Variants in FSIP1 observed in about 807,000 individuals in gnomAD.
The protein encoded by FSIP1 is fibrous sheath interacting protein 1, also known as fibrous sheath-interacting protein 1.
In FSIP1, 65 loss-of-function variants were observed where a neutral mutation model predicts 60.9. The observed-to-expected ratio is 1.07, with a 90% CI of 0.87 to 1.31. The LOEUF (loss-of-function observed/expected upper bound fraction) is 1.31. Among genes scored for constraint, FSIP1 ranks in the 40% most tolerant of loss-of-function variants. FSIP1 has a pLI of 0.00. For synonymous variants in FSIP1, 209 were observed against 221.2 expected (o/e 0.94, Z 0.49); for missense variants, 675 against 665.5 (o/e 1.01, Z -0.16).
At chr15:39,695,094 C>T (rs1390261086) in intron 10 of FSIP1, among the ~76,000 whole-genome samples, 1 of 152,172 alleles carries the variant, frequency 6.6e-6, no homozygotes, top group Non-Finnish European at 1.5e-5. Context: ...ACTTCCCTAA[C>T]ATTTGCATAT....
At position 39,600,634 on chromosome 15, in the gene FSIP1, C is replaced by A; in HGVS notation, c.*246G>T. ...TTGGTTTTTATAATGAATCCTAATACTGTAAGATTAGCAATAAATTTATAA... is the reference window on the plus strand; with the variant it reads ...TTGGTTTTTATAATGAATCCTAATAATGTAAGATTAGCAATAAATTTATAA... On this transcript the variant is annotated 3_prime_UTR_variant, in exon 12 of 12. Coordinates refer to ENST00000350221, the MANE Select transcript of FSIP1 (RefSeq NM_152597.5). 2.2e-6 allele frequency: 1 copy of A among 446,450 alleles called. No individual in the cohort carries two copies. 27.7% of individuals were successfully genotyped at this position (446,450 alleles called of 1,614,324 possible). A position where few individuals can be genotyped will look rare whatever the true frequency, so the allele number is the denominator to read the frequency against.
chr15:39,679,275 C>G (rs1894065400), intron 10 of FSIP1, among the ~76,000 whole-genome samples: 1 of 152,152 alleles, frequency 6.6e-6, no homozygotes, highest in Non-Finnish European at 1.5e-5. Context: ...CCCTGAATAT[C>G]TTAAAATCTA....
intron 10 of FSIP1, among the ~76,000 whole-genome samples, chr15:39,635,106 C>T (rs112243992): frequency 3.4e-4 from 52 of 152,236 alleles, no homozygotes; most frequent in African/African-American, 1.0e-3. Context: ...GAAGCCGAGG[C>T]GGGCGGATCA....
At chr15:39,615,569 A>T (rs1170592852) in intron 11 of FSIP1, among the ~76,000 whole-genome samples, 2 of 152,114 alleles carry the variant, frequency 1.3e-5, no homozygotes, top group Non-Finnish European at 2.9e-5. Flanking sequence ...ATGCTACATC[A>T]CACCTGTTAT....
intron 8 of FSIP1, among the ~76,000 whole-genome samples, chr15:39,728,207 C>A (rs975860330): frequency 3.9e-5 from 6 of 152,198 alleles, no homozygotes; most frequent in African/African-American, 1.4e-4. Flanking sequence ...AATGGCCATA[C>A]TGCCCAAAGC....
At chr15:39,626,665 C>T (rs888871455) in intron 10 of FSIP1, among the ~76,000 whole-genome samples, 1 of 152,160 alleles carries the variant, frequency 6.6e-6, no homozygotes, top group Non-Finnish European at 1.5e-5. Context: ...CAGTTTCCCC[C>T]GTGTGCTCTC....
At chr15:39,608,906 T>C (rs1890921743) in intron 11 of FSIP1, among the ~76,000 whole-genome samples, 1 of 152,038 alleles carries the variant, frequency 6.6e-6, no homozygotes, top group African/African-American at 2.4e-5. Flanking sequence ...AATAGAGGAA[T>C]GGTTTCACTT....
chr15:39,639,206 G>T (rs1357031446), intron 10 of FSIP1, among the ~76,000 whole-genome samples: 1 of 152,132 alleles, frequency 6.6e-6, no homozygotes, highest in Non-Finnish European at 1.5e-5. Flanking sequence ...CAGAGATAGT[G>T]GTCATTGCCA....
chr15:39,738,974 A>T (rs1566908625), intron 7 of FSIP1, among the ~76,000 whole-genome samples: 1 of 152,250 alleles, frequency 6.6e-6, no homozygotes, highest in Non-Finnish European at 1.5e-5. Flanking sequence ...TCGCCCATGC[A>T]GTTTTCTAGT....
intron 10 of FSIP1, among the ~76,000 whole-genome samples, chr15:39,624,234 C>T (rs1287792488): frequency 1.3e-5 from 2 of 152,122 alleles, no homozygotes; most frequent in Non-Finnish European, 2.9e-5. Flanking sequence ...TATTTTTGAA[C>T]TATAATTACT....
At chr15:39,639,907 A>G (rs1166407471) in intron 10 of FSIP1, among the ~76,000 whole-genome samples, 1 of 152,196 alleles carries the variant, frequency 6.6e-6, no homozygotes, top group African/African-American at 2.4e-5. Flanking sequence ...AAAACAACAA[A>G]TATAGTATTT....
rs558053734 is a variant in FSIP1 at position 39,694,169 on chromosome 15, AT to A, written c.1188+19274del. Among the ~76,000 whole-genome samples, 922 of 146,176 alleles carry A rather than the reference AT, an allele frequency of 6.3e-3. 13 individuals are homozygous for A. Among genetic ancestry groups the A allele is most frequent in the African/African-American group, 0.019 (769 of 40,186 alleles). ...CTCTGCAAATGATACCAAGAGATTT[AT>A]TTTTTTTTTTTGGCCACTCTAATTC... is the stretch of plus-strand genomic sequence containing the variant. On this transcript the variant is annotated intron_variant, in intron 10 of 11. Coordinates refer to ENST00000350221, the MANE Select transcript of FSIP1 (RefSeq NM_152597.5).
chr15:39,736,232 G>A (rs1411505291), intron 8 of FSIP1, among the ~76,000 whole-genome samples: 1 of 152,206 alleles, frequency 6.6e-6, no homozygotes, highest in African/African-American at 2.4e-5. Context: ...TCAGAATTAT[G>A]TGGGCATTTA....
At chr15:39,702,323 GC>G (rs1165959953) in intron 10 of FSIP1, among the ~76,000 whole-genome samples, 2 of 149,024 alleles carry the variant, frequency 1.3e-5, no homozygotes, top group Non-Finnish European at 3.0e-5. Flanking sequence ...GGGGACCAAT[GC>G]TTGTTCCAAT....
chr15:39,760,602 G>A (rs970881816), intron 5 of FSIP1, among the ~76,000 whole-genome samples: 1 of 152,090 alleles, frequency 6.6e-6, no homozygotes, highest in Non-Finnish European at 1.5e-5. Flanking sequence ...CAAAATAGCT[G>A]ACCAATACTC....
At chr15:39,669,799 A>G (rs1331573579) in intron 10 of FSIP1, among the ~76,000 whole-genome samples, 1 of 152,240 alleles carries the variant, frequency 6.6e-6, no homozygotes, top group African/African-American at 2.4e-5. Context: ...AGCTGGTTCT[A>G]TAAGTGCTTG....
intron 10 of FSIP1, among the ~76,000 whole-genome samples, chr15:39,681,244 T>C (rs1458697718): frequency 6.6e-6 from 1 of 152,202 alleles, no homozygotes; most frequent in African/African-American, 2.4e-5. Context: ...CTTAAAGTCA[T>C]GCCATAAAGT....
At chr15:39,689,123 T>C (rs1391051967) in intron 10 of FSIP1, among the ~76,000 whole-genome samples, 1 of 152,002 alleles carries the variant, frequency 6.6e-6, no homozygotes, top group Non-Finnish European at 1.5e-5. Flanking sequence ...CTCAGGAAAA[T>C]AGTTAACTTA....
At chr15:39,682,571 G>A (rs191966605) in intron 10 of FSIP1, among the ~76,000 whole-genome samples, 18 of 152,282 alleles carry the variant, frequency 1.2e-4, no homozygotes, top group Non-Finnish European at 2.1e-4. Flanking sequence ...CCTTTCACAG[G>A]GATCTCTGGA....
Sources: allele counts gnomAD v4.1 joint callset (sites outside exome capture counted in the v4.1 genomes callset), GRCh38; gene constraint gnomAD v4.1.1; transcripts MANE v1.5; gene names NCBI Gene and HGNC (gene_info 2026-07-23, HGNC 2026-07-21).